The following PLCL2 variants were observed in gnomAD, a reference collection of about 807,000 sequenced individuals.
PLCL2 encodes inactive phospholipase C-like protein 2.
In PLCL2, 4 loss-of-function variants were observed where a neutral mutation model predicts 79.6. The ratio of observed to expected loss-of-function variants is 0.05; its 90% confidence interval spans 0.02 to 0.11. The LOEUF (loss-of-function observed/expected upper bound fraction) is 0.11. PLCL2 is among the 10% of genes least tolerant of loss of function. PLCL2 has a pLI of 1.00. For synonymous variants in PLCL2, 484 were observed against 457.7 expected, an observed-to-expected ratio of 1.06 and a Z score of -0.73; for missense variants, 895 against 1,291.0, an observed-to-expected ratio of 0.69 and a Z score of 4.70.
chr3:16,941,723 G>A (rs150349036), intron 1 of PLCL2, among the ~76,000 whole-genome samples: 8 of 151,986 alleles, frequency 5.3e-5, no homozygotes, highest in South Asian at 2.1e-4. Flanking sequence ...CCATAGCACC[G>A]CAACTATCTC....
At chr3:17,042,255 T>C (rs1559529206) in intron 3 of PLCL2, among the ~76,000 whole-genome samples, 1 of 152,236 alleles carries the variant, frequency 6.6e-6, no homozygotes, top group East Asian at 1.9e-4. Flanking sequence ...ACTGATTCTT[T>C]CCCTTCTTCA....
At chr3:16,922,534 T>C (rs1697147291) in intron 1 of PLCL2, among the ~76,000 whole-genome samples, 1 of 152,112 alleles carries the variant, frequency 6.6e-6, no homozygotes, top group East Asian at 1.9e-4. Flanking sequence ...CATGTATGCA[T>C]TTATACTCTT....
At chr3:16,900,398 A>G (rs889614063) in intron 1 of PLCL2, among the ~76,000 whole-genome samples, 1 of 152,198 alleles carries the variant, frequency 6.6e-6, no homozygotes, top group East Asian at 1.9e-4. Context: ...GAAAGAAGCT[A>G]TAAACTTTAT....
At chr3:17,021,205 A>T (rs1004259081) in intron 3 of PLCL2, among the ~76,000 whole-genome samples, 5 of 152,148 alleles carry the variant, frequency 3.3e-5, no homozygotes, top group Non-Finnish European at 7.4e-5. Flanking sequence ...GGAAAGGTAG[A>T]TGCATCCTAC....
At chr3:17,073,893 A>C (rs965593755) in intron 5 of PLCL2, among the ~76,000 whole-genome samples, 3 of 152,160 alleles carry the variant, frequency 2.0e-5, no homozygotes, top group Admixed American at 6.5e-5. Flanking sequence ...TTCCATCTGC[A>C]TTTACTTTCC....
chr3:17,088,305 G>A (rs960648839), intron 5 of PLCL2, among the ~76,000 whole-genome samples: 1 of 152,142 alleles, frequency 6.6e-6, no homozygotes, highest in African/African-American at 2.4e-5. Flanking sequence ...GCCTTAAAGG[G>A]GACCCACACT....
chr3:16,899,637 G>A (rs1196940875), intron 1 of PLCL2, among the ~76,000 whole-genome samples: 1 of 152,044 alleles, frequency 6.6e-6, no homozygotes, highest in African/African-American at 2.4e-5. Context: ...TTGATTTCTT[G>A]TATGTCTTTT....
intron 1 of PLCL2, among the ~76,000 whole-genome samples, chr3:16,898,932 G>C (rs1470495390): frequency 6.6e-6 from 1 of 152,244 alleles, no homozygotes; most frequent in African/African-American, 2.4e-5. Flanking sequence ...GGAGGGTGGA[G>C]GGGGAGGGGG....
At chr3:17,033,465 A>T (rs1014089917) in intron 3 of PLCL2, among the ~76,000 whole-genome samples, 16 of 152,204 alleles carry the variant, frequency 1.1e-4, no homozygotes, top group African/African-American at 3.9e-4. Context: ...TCCCTTCTAT[A>T]GTAAGTTCTA....
At chr3:17,066,723 A>C (rs1014644044) in intron 4 of PLCL2, among the ~76,000 whole-genome samples, 1 of 152,202 alleles carries the variant, frequency 6.6e-6, no homozygotes, top group Non-Finnish European at 1.5e-5. Context: ...AGAGCTCTAT[A>C]CACTGACATG....
chr3:17,066,179 C>G (rs186799194), intron 4 of PLCL2, among the ~76,000 whole-genome samples: 2 of 152,120 alleles, frequency 1.3e-5, no homozygotes, highest in Admixed American at 6.5e-5. Flanking sequence ...GGGATGTTCT[C>G]AGGTACCATC....
rs554299008 is a variant in PLCL2, at chr3:16,968,857, C to G, written c.328-40817C>G. On this transcript the variant is annotated intron_variant, in intron 1 of 5. Transcript: ENST00000615277. ...AGGAAGGAATGCTTCCAGCTTTTGC[C>G]CATTCAGTATGATGTTGGCCGTGGG... 7.9e-5 allele frequency among the ~76,000 whole-genome samples: 12 copies of G among 152,188 alleles called. No individual in the cohort carries two copies. In the South Asian group the frequency reaches 8.3e-4, roughly 11 times the overall value.
intron 4 of PLCL2, among the ~76,000 whole-genome samples, chr3:17,052,255 T>TAAAAAA (rs1553648887): frequency 7.9e-6 from 1 of 126,418 alleles, no homozygotes; most frequent in African/African-American, 2.9e-5. Flanking sequence ...AAAAAAAAAT[T>TAAAAAA]GGGGGGGGGT....
chr3:17,063,252 C>G (rs149491646), intron 4 of PLCL2, among the ~76,000 whole-genome samples: 287 of 4,034 alleles, frequency 0.071, 2 homozygotes, highest in Middle Eastern at 0.5. Context: ...CTGCCTTCCT[C>G]CCTTCCTCCC....
intron 1 of PLCL2, among the ~76,000 whole-genome samples, chr3:16,949,378 C>T (rs953622978): frequency 6.6e-6 from 1 of 152,146 alleles, no homozygotes; most frequent in Admixed American, 6.5e-5. Context: ...TTTGCAATTG[C>T]CTTTGCATGA....
chr3:17,068,340 A>T (rs1408574831), intron 5 of PLCL2, among the ~76,000 whole-genome samples: 2 of 152,236 alleles, frequency 1.3e-5, no homozygotes, highest in African/African-American at 4.8e-5. Context: ...GAGACATTTT[A>T]AAGTTCATAA....
chr3:17,010,926 A>G lies in PLCL2; in HGVS notation c.1580A>G (p.Gln527Arg), dbSNP rs1384793958. The change falls in exon 2 of 6, where the codon CAA (glutamine) becomes CGA (arginine). Residue 527 changes from glutamine (Q) to arginine (R), a missense_variant. Gln to Arg is a conservative substitution (Grantham distance 43). Transcript: ENST00000615277. The surrounding 1 kb of genome is among the most constrained non-coding windows in gnomAD (Gnocchi z 5.8). ...LCLENHCSIK[Q>R]QKVMVQHMKK... ...TTAGAAAACCACTGTTCCATTAAAC[A>G]ACAGAAGGTAATGGTTCAGCACATG... is the stretch of plus-strand genomic sequence containing the variant. 1 of 1,614,060 alleles carries G rather than the reference A, an allele frequency of 6.2e-7. No individual in the cohort carries two copies. The highest frequency in any genetic ancestry group is 1.3e-5 in the African/African-American group (1 of 74,952).
intron 5 of PLCL2, among the ~76,000 whole-genome samples, chr3:17,071,666 G>A (rs1171957488): frequency 6.6e-6 from 1 of 151,974 alleles, no homozygotes; most frequent in Non-Finnish European, 1.5e-5. Flanking sequence ...CGGTATGTTT[G>A]AAATTAGCAT....
intron 1 of PLCL2, among the ~76,000 whole-genome samples, chr3:16,932,092 A>G (rs1183281261): frequency 6.6e-6 from 1 of 152,194 alleles, no homozygotes; most frequent in Non-Finnish European, 1.5e-5. Context: ...CAGCCTTCAG[A>G]ACTGTGAGAA....
Sources: gnomAD v4.1 joint callset for allele counts (sites outside exome capture counted in the v4.1 genomes callset) on GRCh38, gnomAD v4.1.1 for gene constraint, Gnocchi (gnomAD v3.1) non-coding constraint, MANE v1.5 for transcripts, NCBI Gene and HGNC (gene_info 2026-07-23, HGNC 2026-07-21) for gene names.